RALYL: variants seen among roughly 807,000 people sequenced by gnomAD.
RALYL encodes RNA-binding Raly-like protein.
In RALYL, 29 loss-of-function variants were observed where a neutral mutation model predicts 35.1. The observed-to-expected ratio is 0.83, with a 90% CI of 0.61 to 1.13. The LOEUF (loss-of-function observed/expected upper bound fraction) is 1.13. Ranked by LOEUF, RALYL falls within the 50% of genes most tolerant of loss-of-function variation. The pLI is 0.00. For missense variants in RALYL, 359 were observed against 360.4 expected (o/e 1.00, Z 0.03); for synonymous variants, 120 against 127.6 (o/e 0.94, Z 0.40).
chr8:84,452,203 G>A (rs1442101772), intron 1 of RALYL, among the ~76,000 whole-genome samples: 3 of 151,258 alleles, frequency 2.0e-5, no homozygotes, highest in African/African-American at 7.3e-5. Context: ...ACTTTGCTCA[G>A]GGTGACAGCT....
chr8:84,887,967 A>G (rs185606249), intron 8 of RALYL, among the ~76,000 whole-genome samples, 191 bp downstream of exon 8: 1 of 152,378 alleles, frequency 6.6e-6, no homozygotes, highest in African/African-American at 2.4e-5. Context: ...TTAAAATAGG[A>G]AAGTCTAAAT....
At chr8:84,260,023 T>G (rs1271230235) in intron 1 of RALYL, among the ~76,000 whole-genome samples, 2 of 152,130 alleles carry the variant, frequency 1.3e-5, no homozygotes, top group Non-Finnish European at 2.9e-5. Context: ...ACTGTGTATT[T>G]TATTTTATTA....
chr8:84,603,928 T>TG (rs1554741905), intron 2 of RALYL, among the ~76,000 whole-genome samples: 65 of 151,884 alleles, frequency 4.3e-4, no homozygotes, highest in African/African-American at 1.4e-3. Context: ...ATCAGGTTTT[T>TG]TTTGTTTGTT....
intron 1 of RALYL, among the ~76,000 whole-genome samples, chr8:84,438,851 A>T (rs947382999): frequency 2.0e-5 from 3 of 151,902 alleles, no homozygotes; most frequent in Non-Finnish European, 4.4e-5. Context: ...TTCTTTCCCC[A>T]TTGCTTGTTT....
At chr8:84,313,977 T>G (rs747448441) in intron 1 of RALYL, among the ~76,000 whole-genome samples, 17 of 152,142 alleles carry the variant, frequency 1.1e-4, no homozygotes, top group Non-Finnish European at 2.1e-4. Context: ...ACATACTACC[T>G]GAAACTGGGT....
chr8:84,843,134 A>C (rs1833807932), intron 4 of RALYL, among the ~76,000 whole-genome samples: 1 of 152,202 alleles, frequency 6.6e-6, no homozygotes, highest in Admixed American at 6.5e-5. Flanking sequence ...AGGCAAGAGA[A>C]GGAAATAAAG....
intron 8 of RALYL, among the ~76,000 whole-genome samples, chr8:84,913,033 TA>T (rs1847806844): frequency 6.8e-5 from 4 of 58,898 alleles, no homozygotes; most frequent in African/African-American, 2.3e-4. Context: ...GATGGATGGA[TA>T]GGTAGGTAGA....
In RALYL at chr8:84,717,489, A is replaced by T. The variant is rs548073765; in HGVS notation, c.257-57090A>T. 6.6e-5 allele frequency among the ~76,000 whole-genome samples: 10 copies of T among 152,282 alleles called. No individual in the cohort carries two copies. The South Asian group carries it at 2.1e-3, about 32-fold the overall frequency. On this transcript the variant is annotated intron_variant, in intron 2 of 8. Coordinates refer to ENST00000521268, the MANE Select transcript of RALYL (RefSeq NM_173848.7). ...CCAAATTAACAGTCTTGCCTTGCTT[A>T]TATGAATATTAAAGGATAATGTGGC...
intron 2 of RALYL, among the ~76,000 whole-genome samples, chr8:84,718,309 T>C (rs2132587435): frequency 6.6e-6 from 1 of 152,322 alleles, no homozygotes; most frequent in African/African-American, 2.4e-5. Flanking sequence ...TAAGTATGTG[T>C]TATCAACTTA....
At chr8:84,555,089 A>G (rs542303425) in intron 2 of RALYL, among the ~76,000 whole-genome samples, 143 of 151,780 alleles carry the variant, frequency 9.4e-4, no homozygotes, top group East Asian at 5.7e-3. Flanking sequence ...GACCAGCCTG[A>G]CCAACATGGT....
chr8:84,376,798 T>C (rs1444089901), intron 1 of RALYL, among the ~76,000 whole-genome samples: 1 of 151,848 alleles, frequency 6.6e-6, no homozygotes, highest in Non-Finnish European at 1.5e-5. Context: ...TATTAGTTTC[T>C]GACCTTGGGG....
intron 1 of RALYL, among the ~76,000 whole-genome samples, chr8:84,455,737 C>T (rs1297373774): frequency 6.6e-6 from 1 of 152,030 alleles, no homozygotes; most frequent in East Asian, 1.9e-4. Context: ...CTTTCAGGAT[C>T]TCTAGATTAA....
At chr8:84,909,396 A>C (rs1266344788) in intron 8 of RALYL, among the ~76,000 whole-genome samples, 1 of 152,130 alleles carries the variant, frequency 6.6e-6, no homozygotes. Flanking sequence ...GTCCAAAGGG[A>C]ATAGGAAGAA....
At chr8:84,894,919 A>G (rs532200217) in intron 8 of RALYL, among the ~76,000 whole-genome samples, 2 of 152,306 alleles carry the variant, frequency 1.3e-5, no homozygotes, top group East Asian at 1.9e-4. Flanking sequence ...AAGCATATTC[A>G]AAGTCCCATG....
intron 7 of RALYL, among the ~76,000 whole-genome samples, chr8:84,885,342 T>A (rs1422855738): frequency 6.6e-6 from 1 of 152,094 alleles, no homozygotes; most frequent in Non-Finnish European, 1.5e-5. Context: ...CTTCTTAAAT[T>A]GGATAATAAT....
At chr8:84,332,829 A>C (rs182148238) in intron 1 of RALYL, among the ~76,000 whole-genome samples, 1 of 152,066 alleles carries the variant, frequency 6.6e-6, no homozygotes, top group Non-Finnish European at 1.5e-5. Context: ...AGAGAAAAAG[A>C]GCTGGAGGGG....
intron 6 of RALYL, among the ~76,000 whole-genome samples, chr8:84,869,245 C>A (rs1839747042): frequency 6.6e-6 from 1 of 152,138 alleles, no homozygotes; most frequent in South Asian, 2.1e-4. Context: ...CTGTGCATAT[C>A]ACATGACTTT....
chr8:84,834,583 CA>C (rs1351220410), intron 4 of RALYL, among the ~76,000 whole-genome samples: 1 of 152,108 alleles, frequency 6.6e-6, no homozygotes, highest in African/African-American at 2.4e-5. Context: ...AGTTTTCCTC[CA>C]GCACCCTGTA....
intron 2 of RALYL, among the ~76,000 whole-genome samples, chr8:84,630,329 G>T (rs1429159020): frequency 6.6e-6 from 1 of 151,884 alleles, no homozygotes; most frequent in Non-Finnish European, 1.5e-5. Context: ...TAGTGTGGAG[G>T]GTTGAGTCAT....
Sources: gnomAD v4.1 joint callset for allele counts (sites outside exome capture counted in the v4.1 genomes callset) on GRCh38, gnomAD v4.1.1 for gene constraint, MANE v1.5 for transcripts, NCBI Gene and HGNC (gene_info 2026-07-23, HGNC 2026-07-21) for gene names.